The following THSD4 variants were observed in gnomAD, a reference collection of about 807,000 sequenced individuals.
The protein encoded by THSD4 is thrombospondin type 1 domain containing 4, also known as thrombospondin type-1 domain-containing protein 4.
Under a neutral mutation model 119.0 loss-of-function variants are expected in THSD4, and 69 were observed. The ratio of observed to expected loss-of-function variants is 0.58; its 90% CI spans 0.48 to 0.71. THSD4 has a LOEUF of 0.71. Ranked by LOEUF, THSD4 falls within the 30% of genes least tolerant of loss-of-function variation. The pLI is 0.00. For synonymous variants in THSD4, 524 were observed against 540.4 expected (o/e 0.97, Z 0.42); for missense variants, 1,393 against 1,391.1 (o/e 1.00, Z -0.02).
At chr15:71,207,201 T>C (rs2043851170) in intron 3 of THSD4, among the ~76,000 whole-genome samples, 1 of 152,196 alleles carries the variant, frequency 6.6e-6, no homozygotes. Context: ...CCATCCACAA[T>C]TGCTCTGATA....
chr15:71,138,870 G>T (rs909179511), intron 1 of THSD4, among the ~76,000 whole-genome samples: 5 of 149,692 alleles, frequency 3.3e-5, no homozygotes, highest in Non-Finnish European at 7.4e-5. Context: ...TGGTGTGTGT[G>T]TGTGTGAGTG....
chr15:71,341,874 ACCT>A, intron 6 of THSD4, among the ~76,000 whole-genome samples: 1 of 152,008 alleles, frequency 6.6e-6, no homozygotes, highest in South Asian at 2.1e-4. Flanking sequence ...TAGAATAATG[ACCT>A]TAATGCTCTA....
chr15:71,599,283 A>AT lies in THSD4; in HGVS notation c.1153-61239dup, dbSNP rs534773411. Among the ~76,000 whole-genome samples, 65 of 152,152 alleles carry AT rather than the reference A, an allele frequency of 4.3e-4. No individual in the cohort carries two copies. In the South Asian group the frequency reaches 0.011, roughly 25 times the overall value. ...GATAAATATTTGATTGATTTGCTGT[A>AT]TTTTTTTTCCATCCAAGTAGAAATA... On this transcript the variant is annotated intron_variant, in intron 7 of 17. Transcript: ENST00000261862.
intron 7 of THSD4, among the ~76,000 whole-genome samples, chr15:71,472,491 T>C (rs9635372): frequency 0.1 from 15,904 of 152,208 alleles, 1,114 homozygotes; most frequent in South Asian, 0.2. Flanking sequence ...TGCAAGCCTT[T>C]AATTGTGCTC....
At chr15:71,710,671 A>T (rs1051842636) in intron 8 of THSD4, among the ~76,000 whole-genome samples, 1 of 152,206 alleles carries the variant, frequency 6.6e-6, no homozygotes, top group Non-Finnish European at 1.5e-5. Flanking sequence ...CTCTGCATTC[A>T]CAAGTTGAGT....
intron 7 of THSD4, among the ~76,000 whole-genome samples, chr15:71,515,240 C>T (rs746477174): frequency 6.6e-6 from 1 of 152,196 alleles, no homozygotes; most frequent in African/African-American, 2.4e-5. Flanking sequence ...CATTGAAGCA[C>T]CTGTCAGGAT....
chr15:71,408,985 C>G (rs2046645519), intron 6 of THSD4, among the ~76,000 whole-genome samples: 1 of 152,016 alleles, frequency 6.6e-6, no homozygotes, highest in Non-Finnish European at 1.5e-5. Context: ...TTAAGAAGTC[C>G]CTTGTCCTCA....
chr15:71,631,038 C>T (rs1398810543), intron 7 of THSD4, among the ~76,000 whole-genome samples: 1 of 152,212 alleles, frequency 6.6e-6, no homozygotes, highest in East Asian at 1.9e-4. Flanking sequence ...AGACATTTCC[C>T]AGTGTCTCCT....
At chr15:71,170,699 A>T (rs2043350664) in intron 3 of THSD4, among the ~76,000 whole-genome samples, 2 of 152,236 alleles carry the variant, frequency 1.3e-5, no homozygotes, top group Admixed American at 1.3e-4. Flanking sequence ...TATTAACATT[A>T]TTCCCCATAA....
chr15:71,281,441 A>T (rs1298997861), intron 6 of THSD4, among the ~76,000 whole-genome samples: 1 of 152,218 alleles, frequency 6.6e-6, no homozygotes, highest in Non-Finnish European at 1.5e-5. Context: ...CTCTATAAAC[A>T]TTCTTGTATT....
At chr15:71,234,210 C>T (rs1596282610) in intron 4 of THSD4, among the ~76,000 whole-genome samples, 1 of 152,316 alleles carries the variant, frequency 6.6e-6, no homozygotes. Flanking sequence ...CGTGCAAGTC[C>T]CTTCTGTTCT....
chr15:71,197,560 T>C (rs1177136194), intron 3 of THSD4, among the ~76,000 whole-genome samples: 2 of 152,146 alleles, frequency 1.3e-5, no homozygotes, highest in African/African-American at 4.8e-5. Context: ...AGAGCTCTCA[T>C]TTGTCATCGT....
chr15:71,228,378 G>A (rs1408485596), intron 4 of THSD4, among the ~76,000 whole-genome samples: 1 of 151,760 alleles, frequency 6.6e-6, no homozygotes, highest in Admixed American at 6.6e-5. Flanking sequence ...CCTCTGAAAG[G>A]AGCATGGCCC....
At chr15:71,523,935 A>G (rs1339935506) in intron 7 of THSD4, among the ~76,000 whole-genome samples, 1 of 152,216 alleles carries the variant, frequency 6.6e-6, no homozygotes, top group Non-Finnish European at 1.5e-5. Flanking sequence ...AACAGCATTG[A>G]ACAGGTGTCT....
intron 7 of THSD4, among the ~76,000 whole-genome samples, chr15:71,542,326 G>T (rs1443909652): frequency 1.3e-5 from 2 of 152,146 alleles, no homozygotes; most frequent in Non-Finnish European, 2.9e-5. Context: ...TCCCCCTCCA[G>T]GAAGGAGATC....
intron 6 of THSD4, among the ~76,000 whole-genome samples, chr15:71,332,891 C>CCTTTTTTTTTTTTTTTTTTTTTT (rs1184457820): frequency 2.6e-5 from 1 of 38,036 alleles, no homozygotes; most frequent in Non-Finnish European, 5.7e-5. Context: ...GATTTTTTTA[C>CCTTTTTTTTTTTTTTTTTTTTTT]ATTTTTTTTT....
chr15:71,659,220 G>A lies in THSD4; in HGVS notation c.1153-1310G>A, dbSNP rs573368840. Among the ~76,000 whole-genome samples the A allele has an allele frequency of 2.0e-5, 3 of 152,258 alleles. No homozygotes were observed. The South Asian group carries it at 6.2e-4, about 32-fold the overall frequency. ...TCCTCATGACCCAGTGAATAATCCTGTACTCACAATATTTCATTGTCCAAA... is the reference window on the plus strand; with the variant it reads ...TCCTCATGACCCAGTGAATAATCCTATACTCACAATATTTCATTGTCCAAA... On this transcript the variant is annotated intron_variant, in intron 7 of 17. Coordinates refer to ENST00000261862, the MANE Select transcript of THSD4 (RefSeq NM_024817.3).
At chr15:71,729,542 C>T (rs2052931482) in intron 9 of THSD4, 1 of 152,156 alleles carries the variant, frequency 6.6e-6, no homozygotes, top group Non-Finnish European at 1.5e-5. Flanking sequence ...TCTCCACCTA[C>T]ACACAGTTCT....
intron 4 of THSD4, among the ~76,000 whole-genome samples, chr15:71,227,376 A>C (rs996883509): frequency 1.3e-5 from 2 of 152,144 alleles, no homozygotes; most frequent in Admixed American, 6.5e-5. Context: ...CAGAAGGGGG[A>C]TCTCAGTTCT....
Sources: gnomAD v4.1 joint callset for allele counts (sites outside exome capture counted in the v4.1 genomes callset) on GRCh38, gnomAD v4.1.1 for gene constraint, MANE v1.5 for transcripts, NCBI Gene and HGNC (gene_info 2026-07-23, HGNC 2026-07-21) for gene names.